The following JAM2 variants were observed in gnomAD, a reference collection of about 807,000 sequenced individuals.
JAM2 encodes the protein junctional adhesion molecule 2.
In JAM2, 17 loss-of-function variants were observed where a neutral mutation model predicts 42.0. The observed-to-expected ratio is 0.40, with a 90% CI of 0.28 to 0.61. JAM2 has a LOEUF of 0.61. Ranked by LOEUF, JAM2 falls within the 20% of genes least tolerant of loss-of-function variation. The pLI is 0.37. For missense variants in JAM2, 319 were observed against 358.3 expected, an observed-to-expected ratio of 0.89 and a Z score of 0.89; for synonymous variants, 118 against 128.6, an observed-to-expected ratio of 0.92 and a Z score of 0.56.
intron 1 of JAM2, among the ~76,000 whole-genome samples, chr21:25,663,598 G>A (rs532985430): frequency 2.3e-4 from 35 of 152,116 alleles, no homozygotes; most frequent in African/African-American, 7.7e-4. Flanking sequence ...TCATAGGAGC[G>A]GGACTGGTGG....
chr21:25,698,622 AAAC>A (rs2034091192), intron 4 of JAM2, 52 bp from the exon 5 acceptor site: 2 of 1,477,834 alleles, frequency 1.4e-6, no homozygotes, highest in Non-Finnish European at 1.9e-6. Context: ...TGAAGAAAAT[AAAC>A]AACCTTGATT....
In JAM2 at chr21:25,640,515, G is replaced by C. The variant is rs557905040; in HGVS notation, c.67+627G>C. On this transcript the variant is annotated intron_variant, in intron 1 of 9. Coordinates refer to ENST00000480456, the MANE Select transcript of JAM2 (RefSeq NM_021219.4). ...CTCTGTCCTCAGGGGACATCCAACGGGACGATTGTTAGAAAGATTCAGAAG... is the reference window on the plus strand; with the variant it reads ...CTCTGTCCTCAGGGGACATCCAACGCGACGATTGTTAGAAAGATTCAGAAG... Among the ~76,000 whole-genome samples the C allele has an allele frequency of 3.9e-5, 6 of 152,328 alleles. No homozygotes were observed. The East Asian group carries it at 1.2e-3, about 29-fold the overall frequency.
At chr21:25,663,043 A>G (rs1481705122) in intron 1 of JAM2, among the ~76,000 whole-genome samples, 1 of 152,240 alleles carries the variant, frequency 6.6e-6, no homozygotes, top group Admixed American at 6.5e-5. Flanking sequence ...TTTTCTTGAC[A>G]GTTAAGTCAG....
rs547414697 is a variant in JAM2 at position 25,690,055 on chromosome 21, G to T, written c.241+82G>T. 22 of 827,534 alleles carry T rather than the reference G, an allele frequency of 2.7e-5. No individual in the cohort carries two copies. The African/African-American group carries it at 3.6e-4, about 13-fold the overall frequency. 51.3% of individuals were successfully genotyped at this position (827,534 alleles called of 1,614,324 possible). On this transcript the variant is annotated intron_variant, in intron 3 of 9. Transcript: ENST00000480456. ...ATCCTTTAATTGGCAAATGAGATCG[G>T]ACATGACTGATTACTGAAAATGTGT...
chr21:25,678,859 G>A (rs1044861297), intron 1 of JAM2, among the ~76,000 whole-genome samples: 8 of 152,178 alleles, frequency 5.3e-5, no homozygotes, highest in Non-Finnish European at 1.2e-4. Flanking sequence ...GAGTGCAGTG[G>A]TGCGATCATA....
intron 1 of JAM2, among the ~76,000 whole-genome samples, chr21:25,658,414 C>T (rs916864940): frequency 6.6e-6 from 1 of 152,006 alleles, no homozygotes; most frequent in Non-Finnish European, 1.5e-5. Flanking sequence ...TGTACCTATC[C>T]CCTGTATTTA....
intron 6 of JAM2, among the ~76,000 whole-genome samples, chr21:25,705,656 T>C (rs1399394750): frequency 6.6e-6 from 1 of 152,230 alleles, no homozygotes; most frequent in Non-Finnish European, 1.5e-5. Context: ...CTTGAACTCA[T>C]TGAACTTCAA....
At chr21:25,641,304 T>G (rs1441356282) in intron 1 of JAM2, among the ~76,000 whole-genome samples, 1 of 152,056 alleles carries the variant, frequency 6.6e-6, no homozygotes, top group Non-Finnish European at 1.5e-5. Flanking sequence ...GAATTGTCAC[T>G]AATTAAAAAC....
chr21:25,681,721 G>A (rs1043182214), intron 1 of JAM2, among the ~76,000 whole-genome samples: 12 of 152,100 alleles, frequency 7.9e-5, no homozygotes, highest in Admixed American at 6.5e-4. Context: ...AGTGGCTCAC[G>A]CCTGTAATCC....
chr21:25,708,612 A>G (rs1486758234), intron 7 of JAM2, among the ~76,000 whole-genome samples: 1 of 152,202 alleles, frequency 6.6e-6, no homozygotes, highest in Non-Finnish European at 1.5e-5. Context: ...ATACTTGTTC[A>G]GTGCTTCAAT....
chr21:25,717,459 GA>G lies in JAM2; in HGVS notation c.*2788del, dbSNP rs1335869723. 2.0e-6 allele frequency: 1 copy of G among 489,354 alleles called. No individual in the cohort carries two copies. Among genetic ancestry groups the G allele is most frequent in the Non-Finnish European group, 3.4e-6 (1 of 297,642 alleles). 30.3% of individuals were successfully genotyped at this position (489,354 alleles called of 1,614,324 possible). On this transcript the variant is annotated 3_prime_UTR_variant, in exon 10 of 10. Coordinates refer to ENST00000480456, the MANE Select transcript of JAM2 (RefSeq NM_021219.4). The stretch of plus-strand genomic sequence containing the variant: ...TTAATTTATTTTTAGTTGGAGGTTT[GA>G]CCTAAGTCTGGACCAATTGATTGCT...
intron 1 of JAM2, among the ~76,000 whole-genome samples, chr21:25,674,359 C>T (rs1388018181): frequency 6.6e-6 from 1 of 152,140 alleles, no homozygotes; most frequent in Non-Finnish European, 1.5e-5. Context: ...CGTGCTACTA[C>T]ACTCTACCCT....
At chr21:25,682,872 C>T (rs549865201) in intron 1 of JAM2, among the ~76,000 whole-genome samples, 12 of 152,052 alleles carry the variant, frequency 7.9e-5, no homozygotes, top group African/African-American at 2.9e-4. Context: ...ACTTCTCTGA[C>T]CACCCCCAGT....
At chr21:25,702,832 T>G (rs1008757766) in intron 6 of JAM2, among the ~76,000 whole-genome samples, 6 of 151,870 alleles carry the variant, frequency 4.0e-5, no homozygotes, top group Middle Eastern at 3.4e-3. Flanking sequence ...TCCCCATGGG[T>G]TTTTTTTGTT....
intron 1 of JAM2, among the ~76,000 whole-genome samples, chr21:25,674,394 C>T (rs2033434843): frequency 6.6e-6 from 1 of 151,638 alleles, no homozygotes; most frequent in Non-Finnish European, 1.5e-5. Context: ...GACTCTGCCT[C>T]AAAAAATAAA....
chr21:25,698,999 AG>A, intron 5 of JAM2, 120 bp downstream of exon 5: 1 of 821,504 alleles, frequency 1.2e-6, no homozygotes, highest in East Asian at 2.6e-5. Flanking sequence ...GGAGAGAGGC[AG>A]GGGCACCAGG....
intron 8 of JAM2, among the ~76,000 whole-genome samples, chr21:25,710,356 C>A (rs1022290801): frequency 6.6e-6 from 1 of 151,982 alleles, no homozygotes; most frequent in African/African-American, 2.4e-5. Flanking sequence ...AGCTTACATT[C>A]TAGTAGAGAA....
chr21:25,646,717 A>G (rs2032625227), intron 1 of JAM2, among the ~76,000 whole-genome samples: 1 of 152,182 alleles, frequency 6.6e-6, no homozygotes, highest in African/African-American at 2.4e-5. Flanking sequence ...CTCCAGTTTG[A>G]ATTGTTCCTA....
Position 25,639,862 on chromosome 21 carries a change from T to C in JAM2, c.41T>C (p.Leu14Pro). 1 of 1,594,872 alleles carries C rather than the reference T, an allele frequency of 6.3e-7. No individual in the cohort carries two copies. Among genetic ancestry groups the C allele is most frequent in the Non-Finnish European group, 8.5e-7 (1 of 1,172,088 alleles). The change falls in exon 1 of 10, where the codon CTG becomes CCG. Residue 14 changes from leucine to proline, a missense_variant. Transcript: ENST00000480456. ...RSRHRLLLLL[L>P]RYLVVALGYH... ...CGCCACCGCCTCCTCCTGCTGCTGCTGCGCTACCTGGTGGTCGCCCTGGGC... is the reference window on the plus strand; with the variant it reads ...CGCCACCGCCTCCTCCTGCTGCTGCCGCGCTACCTGGTGGTCGCCCTGGGC...
Sources: allele counts gnomAD v4.1 joint callset (sites outside exome capture counted in the v4.1 genomes callset), GRCh38; gene constraint gnomAD v4.1.1; transcripts MANE v1.5; gene names NCBI Gene and HGNC (gene_info 2026-07-23, HGNC 2026-07-21).